TTF1: variants seen among roughly 807,000 people sequenced by gnomAD.
TTF1 encodes transcription termination factor 1, also known as transcription termination factor, RNA polymerase I.
In TTF1, 64 loss-of-function variants were observed where a neutral mutation model predicts 80.2. The ratio of observed to expected loss-of-function variants is 0.80; its 90% confidence interval spans 0.65 to 0.98. TTF1 has a LOEUF of 0.98. Ranked by LOEUF, TTF1 falls within the 50% of genes least tolerant of loss-of-function variation. TTF1 has a pLI of 0.00. For missense variants in TTF1, 1,023 were observed against 1,086.2 expected (o/e 0.94, Z 0.82); for synonymous variants, 372 against 382.7 (o/e 0.97, Z 0.33).
intron 5 of TTF1, 82 bp downstream of exon 5, chr9:132,396,351 C>T (rs1400457784): frequency 4.4e-6 from 6 of 1,363,076 alleles, no homozygotes; most frequent in Non-Finnish European, 6.3e-6. Flanking sequence ...TACTGCTAAT[C>T]CACTGCTGTG....
chr9:132,405,747 C>T (rs753722284), intron 1 of TTF1, among the ~76,000 whole-genome samples: 10 of 152,186 alleles, frequency 6.6e-5, no homozygotes, highest in Non-Finnish European at 1.2e-4. Flanking sequence ...GAGGTAAGTC[C>T]ATGCCCACCT....
At chr9:132,401,412 C>G in intron 2 of TTF1, 43 bp downstream of exon 2, 3 of 1,548,380 alleles carry the variant, frequency 1.9e-6, no homozygotes, top group Non-Finnish European at 2.6e-6. Flanking sequence ...AGAATCCATA[C>G]GAAAGAAATA....
In TTF1 at chr9:132,393,275, C is replaced by CA. The variant is rs1473061225; in HGVS notation, c.1857-1070_1857-1069insT. 5.3e-5 allele frequency among the ~76,000 whole-genome samples: 8 copies of CA among 151,970 alleles called. No homozygotes were observed. In the East Asian group the frequency reaches 1.3e-3, roughly 26 times the overall value. ...AAATACATGTTGGGAGCAAGCCCCC[C>CA]CCGCAAACTGGCCATAAACAGAATC... On this transcript the variant is annotated intron_variant, in intron 5 of 10. Transcript: ENST00000334270.
chr9:132,381,811 C>A (rs979866975), intron 9 of TTF1, among the ~76,000 whole-genome samples: 1 of 152,206 alleles, frequency 6.6e-6, no homozygotes, highest in Non-Finnish European at 1.5e-5. Flanking sequence ...CCATAAATAA[C>A]TAACCACCAG....
Position 132,402,131 on chromosome 9 carries a change from A to C in TTF1, c.691T>G (p.Tyr231Asp). 1 of 1,613,826 alleles carries C rather than the reference A, an allele frequency of 6.2e-7. No individual in the cohort carries two copies. Among genetic ancestry groups the C allele is most frequent in the Non-Finnish European group, 8.5e-7 (1 of 1,179,980 alleles). ...CCTTCAGGCATGGCCAGTGTCTCAT[A>C]TTCCCGGTTACTGGACTTTTTCTTT... ...KKKKKSSNRE[Y>D]ETLAMPEGSQ... is the part of the protein sequence containing the mutation. The change falls in exon 2 of 11, where the codon TAT becomes GAT. Residue 231 changes from tyrosine to aspartate, a missense_variant. Tyr to Asp is a radical substitution (Grantham distance 160, BLOSUM62 -3). Coordinates refer to ENST00000334270, the MANE Select transcript of TTF1 (RefSeq NM_007344.4).
rs745897488 is a variant in TTF1, at chr9:132,388,188, T to TA, written c.2262dup (p.Ile755TyrfsTer16). On this transcript the variant is annotated frameshift_variant, in exon 8 of 11. Coordinates refer to ENST00000334270, the MANE Select transcript of TTF1 (RefSeq NM_007344.4). LOFTEE classifies it high-confidence loss of function. The stretch of plus-strand genomic sequence containing the variant: ...CGCAGGGCATTCATGCCATAGTAGA[T>TA]ACGCCGACCATTAGTCATCCTCTTG... 6 of 1,611,940 alleles carry TA rather than the reference T, an allele frequency of 3.7e-6. No individual in the cohort carries two copies. The highest frequency in any genetic ancestry group is 5.1e-6 in the Non-Finnish European group (6 of 1,178,660).
intron 6 of TTF1, 100 bp from the exon 7 acceptor site, chr9:132,390,931 T>C (rs1012503500): frequency 5.7e-6 from 6 of 1,061,816 alleles, no homozygotes; most frequent in African/African-American, 4.8e-5. Context: ...CAGAAAATAA[T>C]GTGCATCTCA....
At chr9:132,391,685 A>G (rs1031092985) in intron 6 of TTF1, among the ~76,000 whole-genome samples, 1 of 152,204 alleles carries the variant, frequency 6.6e-6, no homozygotes, top group Admixed American at 6.5e-5. Context: ...ACAGGAGGTC[A>G]CCAACACTGG....
At chr9:132,380,612 C>A (rs1188845221) in intron 9 of TTF1, among the ~76,000 whole-genome samples, 1 of 152,198 alleles carries the variant, frequency 6.6e-6, no homozygotes, top group Non-Finnish European at 1.5e-5. Context: ...CAGGAAGCAA[C>A]AAGAACTGAT....
intron 9 of TTF1, among the ~76,000 whole-genome samples, chr9:132,385,251 C>A (rs1379270630): frequency 6.6e-6 from 1 of 152,154 alleles, no homozygotes; most frequent in Non-Finnish European, 1.5e-5. Flanking sequence ...AGACCCCACA[C>A]CAGACCAATC....
chr9:132,405,233 C>T (rs1589830053), intron 1 of TTF1, among the ~76,000 whole-genome samples: 1 of 151,486 alleles, frequency 6.6e-6, no homozygotes, highest in East Asian at 2.0e-4. Flanking sequence ...GAGACAGAAT[C>T]TCGTTCTGTC....
At chr9:132,398,095 G>T (rs1347370672) in intron 4 of TTF1, 46 bp downstream of exon 4, 1 of 1,479,722 alleles carries the variant, frequency 6.8e-7, no homozygotes, top group Non-Finnish European at 9.0e-7. Context: ...CTTGTTTATG[G>T]CTGGAAGGCT....
rs148728567 is a variant in TTF1, at chr9:132,398,214, G to A, written c.1704C>T (p.Tyr568=). ...ATTTTTCCTCAGGATATCTGTCCGTGTACAGCAGCTTGTCTGCACTCTCAA... is the reference window on the plus strand; with the variant it reads ...ATTTTTCCTCAGGATATCTGTCCGTATACAGCAGCTTGTCTGCACTCTCAA... ...TGIESADKLL[Y]TDRYPEEKSV... Residue 568 remains tyrosine (Y), a synonymous_variant, in exon 4 of 11, where the codon TAC becomes TAT. Coordinates refer to ENST00000334270, the MANE Select transcript of TTF1 (RefSeq NM_007344.4). 1.3e-4 allele frequency: 212 copies of A among 1,603,760 alleles called. 1 individual carries two copies. The East Asian group carries it at 3.7e-3, about 28-fold the overall frequency.
At chr9:132,386,688 G>T in intron 8 of TTF1, 67 bp from the exon 9 acceptor site, 1 of 1,316,900 alleles carries the variant, frequency 7.6e-7, no homozygotes, top group Non-Finnish European at 1.1e-6. Flanking sequence ...TCATGGACGC[G>T]TGGAGTGCTG....
At chr9:132,396,560 G>C in intron 4 of TTF1, 49 bp from the exon 5 acceptor site, 3 of 1,549,496 alleles carry the variant, frequency 1.9e-6, no homozygotes, top group Non-Finnish European at 2.7e-6. Context: ...AAATGAAGTC[G>C]CAATTGTAAA....
In TTF1 at chr9:132,405,266, A is replaced by G. The variant is rs186215402; in HGVS notation, c.-8+1524T>C. Reference sequence around the variant, plus strand: ...GTCACCCAGGCTGGAGTGCAGTGGCACGATCTCGGCTCACTGCAACCTCCG... The same window carrying G: ...GTCACCCAGGCTGGAGTGCAGTGGCGCGATCTCGGCTCACTGCAACCTCCG... On this transcript the variant is annotated intron_variant, in intron 1 of 10. Transcript: ENST00000334270. Among the ~76,000 whole-genome samples the G allele has an allele frequency of 3.2e-3, 474 of 147,424 alleles. 2 individuals carry two copies. Among genetic ancestry groups the G allele is most frequent in the African/African-American group, 0.012 (460 of 39,744 alleles).
At chr9:132,395,876 C>T (rs964572413) in intron 5 of TTF1, among the ~76,000 whole-genome samples, 1 of 152,134 alleles carries the variant, frequency 6.6e-6, no homozygotes, top group Non-Finnish European at 1.5e-5. Context: ...AACCCAAACG[C>T]TCGGTCTACG....
intron 1 of TTF1, among the ~76,000 whole-genome samples, chr9:132,406,554 A>G (rs1378717435): frequency 6.6e-6 from 1 of 151,200 alleles, no homozygotes; most frequent in Non-Finnish European, 1.5e-5. Flanking sequence ...GTGAGCCGAG[A>G]TCGCGCCACC....
At position 132,396,422 on chromosome 9, in the gene TTF1, T is replaced by A; in HGVS notation, c.1856+11A>T. On this transcript the variant is annotated intron_variant, in intron 5 of 10. Transcript: ENST00000334270. ...AAATGTTGTCTCAAGCTGCTAAGAC[T>A]TTTTTCTTACCTGCCTTTGTAATTG... is the stretch of plus-strand genomic sequence containing the variant. The A allele has an allele frequency of 6.2e-7, 1 of 1,613,822 alleles. No homozygotes were observed. Among genetic ancestry groups the A allele is most frequent in the South Asian group, 1.1e-5 (1 of 91,072 alleles).
Sources: gnomAD v4.1 joint callset for allele counts (sites outside exome capture counted in the v4.1 genomes callset) on GRCh38, gnomAD v4.1.1 for gene constraint, MANE v1.5 for transcripts, NCBI Gene and HGNC (gene_info 2026-07-23, HGNC 2026-07-21) for gene names.